The following C12orf54 variants were observed in gnomAD, a reference collection of about 807,000 sequenced individuals.
C12orf54 encodes uncharacterized protein C12orf54.
Under a neutral mutation model 26.4 loss-of-function variants are expected in C12orf54, and 24 were observed. The ratio of observed to expected loss-of-function variants is 0.91; its 90% CI spans 0.66 to 1.28. The LOEUF is 1.28. Among genes scored for constraint, C12orf54 ranks in the 50% most tolerant of loss-of-function variants. C12orf54 has a pLI of 0.00. For missense variants in C12orf54, 154 were observed against 150.9 expected, an observed-to-expected ratio of 1.02 and a Z score of -0.11; for synonymous variants, 54 against 47.0, an observed-to-expected ratio of 1.15 and a Z score of -0.61.
chr12:48,433,831 G>A, the C12orf54 span, among the ~76,000 whole-genome samples: 66 of 152,266 alleles, frequency 4.3e-4, no homozygotes, highest in African/African-American at 1.3e-3. Flanking sequence ...AGCTCCCAGC[G>A]TGAGCAATGC....
chr12:48,450,982 C>A, the C12orf54 span, among the ~76,000 whole-genome samples: 1 of 151,902 alleles, frequency 6.6e-6, no homozygotes. Flanking sequence ...TTCTATGAGG[C>A]CAGCATCATC....
chr12:48,437,850 G>A, the C12orf54 span, among the ~76,000 whole-genome samples: 16,541 of 152,014 alleles, frequency 0.11, 931 homozygotes, highest in Middle Eastern at 0.13. Context: ...CACAAGACAG[G>A]GATGCCCTCT....
the C12orf54 span, among the ~76,000 whole-genome samples, chr12:48,458,900 G>A: frequency 1.1e-3 from 161 of 152,142 alleles, no homozygotes; most frequent in African/African-American, 3.8e-3. Flanking sequence ...CATTTTAATA[G>A]AACTTATCAA....
intron 1 of C12orf54, among the ~76,000 whole-genome samples, 154 bp downstream of exon 1, chr12:48,482,730 T>A (rs1954210970): frequency 6.6e-6 from 1 of 151,502 alleles, no homozygotes; most frequent in Non-Finnish European, 1.5e-5. Context: ...CAAAGCACTT[T>A]AAGGCTGGAG....
intron 2 of C12orf54, among the ~76,000 whole-genome samples, chr12:48,485,126 G>C (rs781400236): frequency 1.3e-5 from 2 of 152,036 alleles, no homozygotes; most frequent in African/African-American, 2.4e-5. Flanking sequence ...GCCGAGGCTA[G>C]AGTGCAGTAT....
upstream of C12orf54, among the ~76,000 whole-genome samples, chr12:48,482,248 G>A (rs540008803): frequency 8.5e-5 from 13 of 152,276 alleles, no homozygotes; most frequent in South Asian, 2.3e-3. Flanking sequence ...GGATTCTTCT[G>A]GCCTCATTCC....
the C12orf54 span, among the ~76,000 whole-genome samples, chr12:48,459,563 T>C: frequency 3.3e-5 from 5 of 152,016 alleles, no homozygotes; most frequent in African/African-American, 4.8e-5. Context: ...AGTAAAAAAA[T>C]AGAACTTTCC....
the C12orf54 span, among the ~76,000 whole-genome samples, chr12:48,464,336 G>C: frequency 1.3e-5 from 2 of 152,000 alleles, no homozygotes; most frequent in Non-Finnish European, 2.9e-5. Context: ...GCCACAAAAA[G>C]AATGAAATAC....
chr12:48,461,616 C>T, the C12orf54 span, among the ~76,000 whole-genome samples: 9 of 151,606 alleles, frequency 5.9e-5, no homozygotes, highest in East Asian at 1.9e-4. Flanking sequence ...TGGAAACTAA[C>T]GTATATCTCA....
the C12orf54 span, among the ~76,000 whole-genome samples, chr12:48,443,361 G>A: frequency 6.6e-6 from 1 of 152,220 alleles, no homozygotes; most frequent in Non-Finnish European, 1.5e-5. Context: ...TTAGGTGGGA[G>A]CATGTTTGCT....
upstream of C12orf54, among the ~76,000 whole-genome samples, chr12:48,481,045 C>T (rs1190156159): frequency 9.1e-6 from 1 of 109,704 alleles, no homozygotes; most frequent in East Asian, 2.9e-4. Context: ...ACAATAGACT[C>T]CAAAAGAAGG....
the C12orf54 span, among the ~76,000 whole-genome samples, chr12:48,423,046 T>A: frequency 6.6e-6 from 1 of 152,156 alleles, no homozygotes; most frequent in Non-Finnish European, 1.5e-5. Flanking sequence ...AGGAACAACT[T>A]TCATTTCAAA....
At chr12:48,485,184 C>T (rs1430200550) in intron 2 of C12orf54, among the ~76,000 whole-genome samples, 1 of 152,148 alleles carries the variant, frequency 6.6e-6, no homozygotes, top group African/African-American at 2.4e-5. Flanking sequence ...TCAAGCAATC[C>T]TCCTGTCTCA....
At chr12:48,421,624 A>C in the C12orf54 span, among the ~76,000 whole-genome samples, 7 of 132,792 alleles carry the variant, frequency 5.3e-5, no homozygotes, top group Non-Finnish European at 9.3e-5. Context: ...CCACCTCCCC[A>C]GTTCAAGCGA....
At chr12:48,430,257 G>A in the C12orf54 span, among the ~76,000 whole-genome samples, 1 of 152,152 alleles carries the variant, frequency 6.6e-6, no homozygotes, top group African/African-American at 2.4e-5. Context: ...AGGATTTCAT[G>A]ACCAAGGACC....
intron 4 of C12orf54, 44 bp from the exon 5 acceptor site, chr12:48,488,880 A>G: frequency 6.7e-7 from 1 of 1,483,110 alleles, no homozygotes; most frequent in Non-Finnish European, 9.4e-7. Context: ...TAATAAAGTG[A>G]TCATCTACAA....
At chr12:48,428,891 T>C in the C12orf54 span, among the ~76,000 whole-genome samples, 1 of 152,130 alleles carries the variant, frequency 6.6e-6, no homozygotes, top group Non-Finnish European at 1.5e-5. Flanking sequence ...CCAATATCCC[T>C]CATGAACGTA....
the C12orf54 span, among the ~76,000 whole-genome samples, chr12:48,422,880 G>A: frequency 6.6e-6 from 1 of 152,152 alleles, no homozygotes; most frequent in East Asian, 1.9e-4. Flanking sequence ...GGGATGAAAA[G>A]GATCACTAGT....
chr12:48,458,243 G>A, the C12orf54 span, among the ~76,000 whole-genome samples: 1 of 152,226 alleles, frequency 6.6e-6, no homozygotes, highest in South Asian at 2.1e-4. Context: ...CACTGCAACT[G>A]CTCAGCAGCT....
Sources: gnomAD v4.1 joint callset for allele counts (sites outside exome capture counted in the v4.1 genomes callset) on GRCh38, gnomAD v4.1.1 for gene constraint, MANE v1.5 for transcripts, NCBI Gene and HGNC (gene_info 2026-07-23, HGNC 2026-07-21) for gene names.